The following DAND5 variants were observed in gnomAD, a reference collection of about 807,000 sequenced individuals.
The protein encoded by DAND5 is DAN domain family member 5.
A neutral mutation model predicts 9.2 loss-of-function variants in DAND5; 8 were observed. That is an observed-to-expected ratio of 0.87 (90% CI 0.51 to 1.56). The LOEUF (loss-of-function observed/expected upper bound fraction) is 1.56. Ranked by LOEUF, DAND5 falls within the 40% of genes most tolerant of loss-of-function variation. The probability of loss-of-function intolerance (pLI) is 0.00; values close to 1 mark genes in which losing one functional copy is unlikely to be tolerated. For missense variants in DAND5, 244 were observed against 244.7 expected (o/e 1.00, Z 0.02); for synonymous variants, 95 against 101.1 (o/e 0.94, Z 0.36).
chr19:12,974,045 G>A lies in DAND5; in HGVS notation c.*411G>A, dbSNP rs2011161055. ...GCCCGGCTAATTTTTTGTATTTTTA[G>A]TAAAGACAGGGTTTCACCGTGTTAG... is the stretch of plus-strand genomic sequence containing the variant. On this transcript the variant is annotated 3_prime_UTR_variant, in exon 2 of 2. Transcript: ENST00000317060. The A allele has an allele frequency of 5.3e-6, 1 of 187,200 alleles. No individual in the cohort carries two copies. Among genetic ancestry groups the A allele is most frequent in the Non-Finnish European group, 1.1e-5 (1 of 89,990 alleles). The allele number at this position is 187,200 out of a possible 1,614,324, so 11.6% of individuals were successfully genotyped here.
chr19:12,969,997 G>A lies in DAND5; in HGVS notation c.324+13G>A, dbSNP rs779511806. ...GCCCTTCGTTCAGGTGAGTGGGTGG[G>A]TGTGGGGAGGAGAGGGCTGGGTCTC... On this transcript the variant is annotated intron_variant, in intron 1 of 1. Transcript: ENST00000317060. 1 of 1,613,022 alleles carries A rather than the reference G, an allele frequency of 6.2e-7. No homozygotes were observed.
At chr19:12,972,519 T>G (rs1359853261) in intron 1 of DAND5, among the ~76,000 whole-genome samples, 2 of 151,998 alleles carry the variant, frequency 1.3e-5, no homozygotes, top group African/African-American at 4.8e-5. Flanking sequence ...AAGTGATTTC[T>G]TCTTTTTCTC....
chr19:12,973,148 C>A, intron 1 of DAND5, among the ~76,000 whole-genome samples: 1 of 152,184 alleles, frequency 6.6e-6, no homozygotes, highest in Non-Finnish European at 1.5e-5. Context: ...AGGCGTGAGC[C>A]ACCGCGCCCG....
intron 1 of DAND5, among the ~76,000 whole-genome samples, chr19:12,970,229 A>T (rs1462635141): frequency 6.6e-6 from 1 of 151,756 alleles, no homozygotes; most frequent in Non-Finnish European, 1.5e-5. Context: ...GTGCCTGTGA[A>T]CACCAGAGTC....
Position 12,969,957 on chromosome 19 carries a change from G to C in DAND5, c.297G>C (p.Gly99=), listed in dbSNP as rs751522800. ...TGAACCCTCAGGAAGTGATCCAGGG[G>C]ATGTGTAAGGCTGTGCCCTTCGTTC... ...LPLNPQEVIQ[G]MCKAVPFVQV... The change falls in exon 1 of 2, where the codon GGG becomes GGC. Residue 99 remains glycine (G), a synonymous_variant. Transcript: ENST00000317060. The C allele has an allele frequency of 4.3e-5, 70 of 1,613,978 alleles. No individual in the cohort carries two copies. The Admixed American group carries it at 1.1e-3, about 25-fold the overall frequency.
rs1328153313 is a variant in DAND5 at position 12,973,651 on chromosome 19, G to A, written c.*17G>A. ...AAAGCATGAACTGAGCATCGTGGAT[G>A]GGTGCACGGAGACACGCACCTTGGA... is the stretch of plus-strand genomic sequence containing the variant. On this transcript the variant is annotated 3_prime_UTR_variant, in exon 2 of 2. Transcript: ENST00000317060. The A allele has an allele frequency of 1.9e-6, 3 of 1,610,648 alleles. No individual in the cohort carries two copies. Among genetic ancestry groups the A allele is most frequent in the Admixed American group, 3.3e-5 (2 of 59,894 alleles).
Position 12,969,923 on chromosome 19 carries a change from C to G in DAND5, c.263C>G (p.Thr88Ser), listed in dbSNP as rs147724853. Residue 88 changes from threonine (T) to serine (S), a missense_variant, in exon 1 of 2, where the codon ACT becomes AGT. Transcript: ENST00000317060. ...GGGCAAGACGAGGTGGCTGCTGTGA[C>G]TCTGCCGCTGAACCCTCAGGAAGTG... Reference protein sequence around the residue: ...QRGQDEVAAVTLPLNPQEVIQ... With the variant: ...QRGQDEVAAVSLPLNPQEVIQ... 54 of 1,614,068 alleles carry G rather than the reference C, an allele frequency of 3.3e-5. No homozygotes were observed. The African/African-American group carries it at 6.0e-4, about 18-fold the overall frequency.
intron 1 of DAND5, among the ~76,000 whole-genome samples, chr19:12,971,381 C>A (rs547290256): frequency 2.9e-4 from 44 of 152,114 alleles, no homozygotes; most frequent in Non-Finnish European, 5.7e-4. Context: ...CGGGTTCAAG[C>A]GATTCTCCTG....
Position 12,969,636 on chromosome 19 carries a change from G to T in DAND5, c.-25G>T, listed in dbSNP as rs370847923. Reference sequence around the variant, plus strand: ...TGAGCCCAGTCCGGACAGACAGACAGGCAGACAGACGCACGGACAAGCAGA... The same window carrying T: ...TGAGCCCAGTCCGGACAGACAGACATGCAGACAGACGCACGGACAAGCAGA... On this transcript the variant is annotated 5_prime_UTR_variant, in exon 1 of 2. It adds an upstream start codon to the 5' untranslated region. Coordinates refer to ENST00000317060, the MANE Select transcript of DAND5 (RefSeq NM_152654.3). 3 of 1,574,266 alleles carry T rather than the reference G, an allele frequency of 1.9e-6. No individual in the cohort carries two copies. Among genetic ancestry groups the T allele is most frequent in the African/African-American group, 2.7e-5 (2 of 73,588 alleles).
In DAND5 at chr19:12,969,736, C is replaced by T. The variant is rs776972145; in HGVS notation, c.76C>T (p.Pro26Ser). Residue 26 changes from proline to serine, a missense_variant, in exon 1 of 2, where the codon CCC becomes TCC. Pro to Ser is a moderately conservative substitution (Grantham distance 74). Transcript: ENST00000317060. ...ALPTGSGRPE[P>S]QSPRPQSWAA... ...GCCTACAGGCTCAGGGAGGCCTGAA[C>T]CCCAGTCTCCTCGACCTCAGTCCTG... The T allele has an allele frequency of 3.1e-6, 5 of 1,597,130 alleles. No individual in the cohort carries two copies. In the South Asian group the frequency reaches 5.7e-5, roughly 18 times the overall value.
intron 1 of DAND5, chr19:12,970,441 G>GT (rs1169830686): frequency 8.6e-6 from 6 of 700,580 alleles, no homozygotes; most frequent in African/African-American, 3.5e-5. Flanking sequence ...CTTTCTTTCT[G>GT]TTTTTTTAGA....
rs756858280 is a variant in DAND5 at position 12,970,677 on chromosome 19, TTC to T, written c.324+705_324+706del. 904 of 468,676 alleles carry T rather than the reference TTC, an allele frequency of 1.9e-3. 5 individuals carry two copies. Among genetic ancestry groups the T allele is most frequent in the African/African-American group, 0.016 (782 of 49,530 alleles). 29.0% of individuals were successfully genotyped at this position (468,676 alleles called of 1,614,324 possible). On this transcript the variant is annotated intron_variant, in intron 1 of 1. Transcript: ENST00000317060. ...TCTTTCTTTCCTTTCTTTCTTTCTT[TTC>T]TCTCTCTCTCTTTCTTTTTTTGAGA... is the stretch of plus-strand genomic sequence containing the variant.
intron 1 of DAND5, among the ~76,000 whole-genome samples, chr19:12,973,039 T>G (rs910458771): frequency 2.0e-5 from 3 of 151,646 alleles, no homozygotes; most frequent in African/African-American, 4.8e-5. Context: ...ATTTTTTGTA[T>G]TTTTAGTAGA....
chr19:12,973,006 G>C (rs2011153233), intron 1 of DAND5, among the ~76,000 whole-genome samples: 1 of 151,728 alleles, frequency 6.6e-6, no homozygotes, highest in Non-Finnish European at 1.5e-5. Context: ...GGGACTACAG[G>C]CGCCCACCAC....
Position 12,973,581 on chromosome 19 carries a change from G to T in DAND5, c.517G>T (p.Val173Leu). The T allele has an allele frequency of 6.2e-7, 1 of 1,614,150 alleles. No homozygotes were observed. Among genetic ancestry groups the T allele is most frequent in the South Asian group, 1.1e-5 (1 of 91,080 alleles). ...TGGCAGCTCAGCCTCCCGTCGACGGGTGAAGATATCCACCATGCTGATCGA... is the reference window on the plus strand; with the variant it reads ...TGGCAGCTCAGCCTCCCGTCGACGGTTGAAGATATCCACCATGCTGATCGA... ...LTGSSASRRR[V>L]KISTMLIEGC... The change falls in exon 2 of 2, where the codon GTG (valine) becomes TTG (leucine). Residue 173 changes from valine (V) to leucine (L), a missense_variant. Transcript: ENST00000317060.
Position 12,970,716 on chromosome 19 carries a change from T to C in DAND5, c.324+732T>C, listed in dbSNP as rs571049558. On this transcript the variant is annotated intron_variant, in intron 1 of 1. Coordinates refer to ENST00000317060, the MANE Select transcript of DAND5 (RefSeq NM_152654.3). ...TTCTTTTTTTGAGACAGTCTCACTCTGTCACCCAGACTAGAGGGCAGCAGT... is the reference window on the plus strand; with the variant it reads ...TTCTTTTTTTGAGACAGTCTCACTCCGTCACCCAGACTAGAGGGCAGCAGT... Among the ~76,000 whole-genome samples the C allele has an allele frequency of 5.9e-5, 9 of 151,980 alleles. No individual in the cohort carries two copies. In the East Asian group the frequency reaches 1.7e-3, roughly 29 times the overall value.
intron 1 of DAND5, among the ~76,000 whole-genome samples, chr19:12,972,893 T>C (rs2011152289): frequency 7.1e-6 from 1 of 141,828 alleles, no homozygotes; most frequent in Non-Finnish European, 1.5e-5. Flanking sequence ...AGACGGAGTC[T>C]CGCTCTGTCC....
intron 1 of DAND5, chr19:12,970,604 CTTT>C: frequency 2.0e-6 from 1 of 489,316 alleles, no homozygotes. Context: ...TTTTCTCTTT[CTTT>C]CTTTCTTTTC....
intron 1 of DAND5, chr19:12,970,509 C>T (rs1357995036): frequency 1.4e-6 from 1 of 700,024 alleles, no homozygotes; most frequent in African/African-American, 1.7e-5. Flanking sequence ...TCAAGCAATC[C>T]TCCCACCTCA....
Sources: gnomAD v4.1 joint callset for allele counts (sites outside exome capture counted in the v4.1 genomes callset) on GRCh38, gnomAD v4.1.1 for gene constraint, MANE v1.5 for transcripts, NCBI Gene and HGNC (gene_info 2026-07-23, HGNC 2026-07-21) for gene names.